Variants in SMARCAD1 observed in about 807,000 individuals in gnomAD.
SMARCAD1 encodes the protein SNF2 related chromatin remodeling ATPase with DExD box 1.
In SMARCAD1, 25 loss-of-function variants were observed where a neutral mutation model predicts 127.1. The ratio of observed to expected loss-of-function variants is 0.20; its 90% CI spans 0.14 to 0.27. The LOEUF (loss-of-function observed/expected upper bound fraction) is 0.27, where lower values mean the gene tolerates loss of function less well. Among genes scored for constraint, SMARCAD1 ranks in the 10% least tolerant of loss-of-function variants. The probability of loss-of-function intolerance (pLI) is 1.00; values close to 1 mark genes in which losing one functional copy is unlikely to be tolerated. For synonymous variants in SMARCAD1, 400 were observed against 396.9 expected, an observed-to-expected ratio of 1.01 and a Z score of -0.09; for missense variants, 807 against 1,206.0, an observed-to-expected ratio of 0.67 and a Z score of 4.90.
In SMARCAD1 at chr4:94,284,951, T is replaced by C. The variant is rs1189111277; in HGVS notation, c.2910-9T>C. ...GTAACCAATGGACATATTTTGTATTTTTTTTTAGAGAAGTACTAGTTATAA... is the reference window on the plus strand; with the variant it reads ...GTAACCAATGGACATATTTTGTATTCTTTTTTAGAGAAGTACTAGTTATAA... On this transcript the variant is annotated splice_polypyrimidine_tract_variant and intron_variant, in intron 22 of 23. Coordinates refer to ENST00000354268, the MANE Select transcript of SMARCAD1 (RefSeq NM_020159.5). 6.6e-7 allele frequency: 1 copy of C among 1,520,030 alleles called. No homozygotes were observed. The highest frequency in any genetic ancestry group is 1.4e-5 in the African/African-American group (1 of 72,938). 94.2% of individuals were successfully genotyped at this position (1,520,030 alleles called of 1,614,324 possible).
chr4:94,284,518 C>T lies in SMARCAD1; in HGVS notation c.2910-442C>T, dbSNP rs1754635161. 2.0e-5 allele frequency among the ~76,000 whole-genome samples: 3 copies of T among 151,438 alleles called. No individual in the cohort carries two copies. The South Asian group carries it at 6.3e-4, about 32-fold the overall frequency. On this transcript the variant is annotated intron_variant, in intron 22 of 23. Coordinates refer to ENST00000354268, the MANE Select transcript of SMARCAD1 (RefSeq NM_020159.5). ...GGTTCAAGCAATTCCCATGCCTTAG[C>T]CTCCCAACTGCTAGGATTACAGGTG... is the stretch of plus-strand genomic sequence containing the variant.
chr4:94,229,235 A>G (rs1745457687), intron 3 of SMARCAD1, among the ~76,000 whole-genome samples: 1 of 152,176 alleles, frequency 6.6e-6, no homozygotes, highest in Non-Finnish European at 1.5e-5. Context: ...TAGTTGTAGT[A>G]TCTATTGATT....
At chr4:94,230,238 C>A (rs1745624843) in intron 3 of SMARCAD1, among the ~76,000 whole-genome samples, 1 of 151,818 alleles carries the variant, frequency 6.6e-6, no homozygotes, top group Admixed American at 6.6e-5. Context: ...CCATTCAAAC[C>A]TTAGAACTAA....
chr4:94,277,373 G>T (rs1753453195), intron 16 of SMARCAD1, among the ~76,000 whole-genome samples: 1 of 149,366 alleles, frequency 6.7e-6, no homozygotes. Context: ...CAGAAGTCTT[G>T]GTTAATATCC....
chr4:94,222,630 ATTC>A (rs1465618951), intron 2 of SMARCAD1, among the ~76,000 whole-genome samples: 4 of 152,138 alleles, frequency 2.6e-5, no homozygotes, highest in African/African-American at 9.7e-5. Context: ...TTTTTTCTGT[ATTC>A]TTCTGTTCTG....
chr4:94,260,845 T>G (rs1487462210), intron 9 of SMARCAD1, among the ~76,000 whole-genome samples: 1 of 152,188 alleles, frequency 6.6e-6, no homozygotes, highest in African/African-American at 2.4e-5. Flanking sequence ...CATAATTAAT[T>G]TATGCTCTCA....
At chr4:94,231,173 G>T (rs1402894340) in intron 3 of SMARCAD1, among the ~76,000 whole-genome samples, 6 of 151,830 alleles carry the variant, frequency 4.0e-5, no homozygotes, top group Non-Finnish European at 7.4e-5. Context: ...TTTTTTGTTT[G>T]TTTTTTTTCT....
At chr4:94,211,101 C>T (rs367991532) in intron 2 of SMARCAD1, among the ~76,000 whole-genome samples, 6 of 151,836 alleles carry the variant, frequency 4.0e-5, no homozygotes, top group African/African-American at 1.5e-4. Flanking sequence ...GGAGAAACCC[C>T]GTTTCTACTA....
At chr4:94,273,771 AAG>A (rs922689599) in intron 12 of SMARCAD1, 55 bp downstream of exon 12, 10 of 1,391,846 alleles carry the variant, frequency 7.2e-6, no homozygotes, top group Non-Finnish European at 1.0e-5. Context: ...ATATAGGTAG[AAG>A]AGAGTGTGTG....
At chr4:94,266,225 A>G (rs1014216041) in intron 10 of SMARCAD1, among the ~76,000 whole-genome samples, 11 of 152,226 alleles carry the variant, frequency 7.2e-5, no homozygotes, top group Admixed American at 2.0e-4. Flanking sequence ...TCTTCACTCT[A>G]CAAGACTTAC....
Position 94,291,000 on chromosome 4 carries a change from A to G in SMARCAD1, c.*1466A>G, listed in dbSNP as rs146995585. ...TGATGGTATATTGAACAGACTGAAT[A>G]TATTTTACCATTACAGGGCTAAAAG... On this transcript the variant is annotated 3_prime_UTR_variant, in exon 24 of 24. Coordinates refer to ENST00000354268, the MANE Select transcript of SMARCAD1 (RefSeq NM_020159.5). 6 of 445,786 alleles carry G rather than the reference A, an allele frequency of 1.3e-5. No individual in the cohort carries two copies. The highest frequency in any genetic ancestry group is 4.0e-5 in the African/African-American group (2 of 49,684). 27.6% of individuals were successfully genotyped at this position (445,786 alleles called of 1,614,324 possible). A position where few individuals can be genotyped will look rare whatever the true frequency, so the allele number is the denominator to read the frequency against.
At position 94,278,680 on chromosome 4, in the gene SMARCAD1, A is replaced by T. The variant is rs1256746627; in HGVS notation, c.2243A>T (p.Glu748Val). The change falls in exon 18 of 24, where the codon GAG becomes GTG. Residue 748 changes from glutamate (E) to valine (V), a missense_variant. By Grantham distance (121) the Glu-to-Val change is moderately radical. Transcript: ENST00000354268. ...IELCAMSEKQ[E>V]QLYLGLFNRL... is the part of the protein sequence containing the mutation. ...TTGTGTGCAATGTCGGAGAAGCAGG[A>T]GCAACTCTATTTGGGTCTTTTCAAC... 6.2e-7 allele frequency: 1 copy of T among 1,614,062 alleles called. No homozygotes were observed. Among genetic ancestry groups the T allele is most frequent in the Admixed American group, 1.7e-5 (1 of 60,014 alleles).
At chr4:94,263,357 C>G (rs1474704481) in intron 9 of SMARCAD1, among the ~76,000 whole-genome samples, 1 of 152,052 alleles carries the variant, frequency 6.6e-6, no homozygotes, top group African/African-American at 2.4e-5. Flanking sequence ...TGATTGTTAT[C>G]TATACTGCTG....
intron 6 of SMARCAD1, among the ~76,000 whole-genome samples, chr4:94,244,843 C>T (rs1293740700): frequency 1.3e-5 from 2 of 151,956 alleles, no homozygotes; most frequent in Non-Finnish European, 2.9e-5. Flanking sequence ...ATGTCACATT[C>T]TTCCTTTTGC....
At chr4:94,237,645 A>C (rs866369833) in intron 5 of SMARCAD1, among the ~76,000 whole-genome samples, 1 of 152,164 alleles carries the variant, frequency 6.6e-6, no homozygotes, top group Non-Finnish European at 1.5e-5. Context: ...ATACACTGGC[A>C]TACAACACAC....
chr4:94,237,014 T>G lies in SMARCAD1; in HGVS notation c.600T>G (p.Asp200Glu). 1 of 1,613,194 alleles carries G rather than the reference T, an allele frequency of 6.2e-7. No individual in the cohort carries two copies. The highest frequency in any genetic ancestry group is 8.5e-7 in the Non-Finnish European group (1 of 1,179,478). Residue 200 changes from aspartate (D) to glutamate (E), a missense_variant, in exon 5 of 24, where the codon GAT becomes GAG. Asp to Glu is a conservative substitution (Grantham distance 45, BLOSUM62 2). Transcript: ENST00000354268. ...AIAAALLMFG[D>E]AGGGPRKRKL... Reference sequence around the variant, plus strand: ...CTGCTGCCTTGCTGATGTTTGGTGATGCAGGTATGCTTGACTTAATTTTAA... The same window carrying G: ...CTGCTGCCTTGCTGATGTTTGGTGAGGCAGGTATGCTTGACTTAATTTTAA...
intron 6 of SMARCAD1, among the ~76,000 whole-genome samples, chr4:94,245,194 G>A (rs946898547): frequency 1.8e-4 from 27 of 152,336 alleles, no homozygotes; most frequent in African/African-American, 6.5e-4. Flanking sequence ...CAAAAATGAG[G>A]ATATTGAGAA....
At chr4:94,234,587 A>G (rs575198815) in intron 4 of SMARCAD1, among the ~76,000 whole-genome samples, 8 of 152,338 alleles carry the variant, frequency 5.3e-5, no homozygotes, top group East Asian at 1.9e-4. Flanking sequence ...TGATTTAACT[A>G]CAGAAACAAA....
chr4:94,288,481 T>G (rs1053909440), intron 23 of SMARCAD1, among the ~76,000 whole-genome samples: 1 of 152,218 alleles, frequency 6.6e-6, no homozygotes, highest in Non-Finnish European at 1.5e-5. Flanking sequence ...AGTCTGTGGA[T>G]GAGCTTGGAA....
Sources: allele counts gnomAD v4.1 joint callset (sites outside exome capture counted in the v4.1 genomes callset), GRCh38; gene constraint gnomAD v4.1.1; transcripts MANE v1.5; gene names NCBI Gene and HGNC (gene_info 2026-07-23, HGNC 2026-07-21).